The following CCDC85A variants were observed in gnomAD, a reference collection of about 807,000 sequenced individuals.
The protein encoded by CCDC85A is coiled-coil domain-containing protein 85A.
A neutral mutation model predicts 50.2 loss-of-function variants in CCDC85A; 38 were observed. That is an observed-to-expected ratio of 0.76 (90% CI 0.58 to 0.99). The LOEUF (loss-of-function observed/expected upper bound fraction) is 0.99. CCDC85A is among the 50% of genes least tolerant of loss of function. CCDC85A has a pLI of 0.00. For synonymous variants in CCDC85A, 366 were observed against 301.4 expected (o/e 1.21, Z -2.22); for missense variants, 820 against 742.0 (o/e 1.11, Z -1.22).
At chr2:56,278,031 C>T (rs1032943905) in intron 2 of CCDC85A, among the ~76,000 whole-genome samples, 6 of 152,126 alleles carry the variant, frequency 3.9e-5, no homozygotes, top group African/African-American at 1.4e-4. Flanking sequence ...CTGGGGAGGC[C>T]ATACCTTCAA....
Position 56,384,531 on chromosome 2 carries a change from A to G in CCDC85A, c.*176A>G. 1.8e-6 allele frequency: 1 copy of G among 564,312 alleles called. No individual in the cohort carries two copies. The highest frequency in any genetic ancestry group is 3.2e-6 in the Non-Finnish European group (1 of 315,512). 35.0% of individuals were successfully genotyped at this position (564,312 alleles called of 1,614,324 possible). A position where few individuals can be genotyped will look rare whatever the true frequency, so the allele number is the denominator to read the frequency against. ...GTACAACTTCTCCCCTCAAGCTGAT[A>G]TTCTGTGTCTCTCACCTCAATGTCC... On this transcript the variant is annotated 3_prime_UTR_variant, in exon 6 of 6. Coordinates refer to ENST00000407595, the MANE Select transcript of CCDC85A (RefSeq NM_001080433.2).
intron 2 of CCDC85A, among the ~76,000 whole-genome samples, chr2:56,232,583 C>T (rs929872679): frequency 6.6e-6 from 1 of 152,128 alleles, no homozygotes; most frequent in African/African-American, 2.4e-5. Context: ...TCTCTCCTTC[C>T]ACCCTGTGAA....
At chr2:56,201,876 C>A (rs907610056) in intron 2 of CCDC85A, among the ~76,000 whole-genome samples, 2 of 152,054 alleles carry the variant, frequency 1.3e-5, no homozygotes, top group Admixed American at 1.3e-4. Context: ...AGAGCTGTGA[C>A]GTACTCAACC....
chr2:56,370,675 A>G (rs971457447), intron 3 of CCDC85A, among the ~76,000 whole-genome samples: 6 of 152,164 alleles, frequency 3.9e-5, no homozygotes, highest in Admixed American at 3.9e-4. Flanking sequence ...TTCTCTACAT[A>G]GTAGCTAAAT....
intron 2 of CCDC85A, among the ~76,000 whole-genome samples, chr2:56,332,572 C>T (rs1205256351): frequency 2.0e-5 from 3 of 152,094 alleles, no homozygotes; most frequent in South Asian, 2.1e-4. Flanking sequence ...TGGAGGGACA[C>T]AACACTCAGG....
At chr2:56,357,703 G>T (rs1430327248) in intron 3 of CCDC85A, among the ~76,000 whole-genome samples, 3 of 138,880 alleles carry the variant, frequency 2.2e-5, no homozygotes, top group African/African-American at 8.1e-5. Flanking sequence ...TGATGAGGTT[G>T]CAGCCTGAAA....
At chr2:56,318,224 C>T (rs1434219265) in intron 2 of CCDC85A, among the ~76,000 whole-genome samples, 1 of 151,980 alleles carries the variant, frequency 6.6e-6, no homozygotes, top group African/African-American at 2.4e-5. Flanking sequence ...CTTTGCTGTC[C>T]TTCCATCGAT....
intron 2 of CCDC85A, among the ~76,000 whole-genome samples, chr2:56,341,054 T>G (rs1392191085): frequency 6.6e-6 from 1 of 152,158 alleles, no homozygotes; most frequent in East Asian, 1.9e-4. Context: ...ACACTGATTC[T>G]TCCCTTGAGA....
intron 2 of CCDC85A, among the ~76,000 whole-genome samples, chr2:56,298,460 T>G (rs1382956718): frequency 6.6e-6 from 1 of 152,214 alleles, no homozygotes. Context: ...AAGAAACATT[T>G]TAACACTTTC....
At chr2:56,290,526 G>A (rs1671655971) in intron 2 of CCDC85A, among the ~76,000 whole-genome samples, 1 of 152,114 alleles carries the variant, frequency 6.6e-6, no homozygotes, top group African/African-American at 2.4e-5. Flanking sequence ...AAACTTAGCT[G>A]TTTGTTGAAT....
intron 2 of CCDC85A, among the ~76,000 whole-genome samples, chr2:56,227,618 C>T (rs1668597733): frequency 6.6e-6 from 1 of 152,116 alleles, no homozygotes; most frequent in Non-Finnish European, 1.5e-5. Context: ...TTTTACTTTT[C>T]ACTGTTCTCT....
intron 3 of CCDC85A, among the ~76,000 whole-genome samples, chr2:56,350,744 G>C (rs1279166084): frequency 1.4e-5 from 2 of 144,690 alleles, no homozygotes; most frequent in Non-Finnish European, 3.0e-5. Flanking sequence ...GTGGTTCAGA[G>C]ACCTTTCCTT....
chr2:56,216,885 C>A (rs1032366696), intron 2 of CCDC85A, among the ~76,000 whole-genome samples: 1 of 151,630 alleles, frequency 6.6e-6, no homozygotes, highest in African/African-American at 2.4e-5. Flanking sequence ...GCTCATGGGG[C>A]CAAGGGAATG....
intron 2 of CCDC85A, among the ~76,000 whole-genome samples, chr2:56,213,916 T>C (rs1207190490): frequency 1.3e-5 from 2 of 151,780 alleles, no homozygotes; most frequent in Non-Finnish European, 2.9e-5. Flanking sequence ...TAGTGAATTG[T>C]AATTTGGGGA....
intron 2 of CCDC85A, among the ~76,000 whole-genome samples, chr2:56,202,584 C>A (rs1016244160): frequency 6.6e-6 from 1 of 152,180 alleles, no homozygotes; most frequent in African/African-American, 2.4e-5. Flanking sequence ...GATGGCAACA[C>A]CAAATGCTCT....
chr2:56,334,021 G>A (rs1169162116), intron 2 of CCDC85A, among the ~76,000 whole-genome samples: 1 of 152,136 alleles, frequency 6.6e-6, no homozygotes, highest in Non-Finnish European at 1.5e-5. Flanking sequence ...TCTTCTCCAA[G>A]ATCTTTGCAT....
At chr2:56,349,725 A>G (rs568698990) in intron 3 of CCDC85A, among the ~76,000 whole-genome samples, 3 of 152,326 alleles carry the variant, frequency 2.0e-5, no homozygotes, top group African/African-American at 7.2e-5. Flanking sequence ...ATTATTTAAT[A>G]GGTACTAAAC....
At chr2:56,228,723 C>T (rs1390734107) in intron 2 of CCDC85A, among the ~76,000 whole-genome samples, 1 of 151,956 alleles carries the variant, frequency 6.6e-6, no homozygotes, top group Non-Finnish European at 1.5e-5. Flanking sequence ...TTAGTAGAGA[C>T]ACGGTTTCAC....
At chr2:56,288,807 C>A (rs1026591356) in intron 2 of CCDC85A, among the ~76,000 whole-genome samples, 2 of 152,250 alleles carry the variant, frequency 1.3e-5, no homozygotes, top group Admixed American at 6.5e-5. Context: ...CACCATTTTC[C>A]TAGTCAGTGA....
Sources: allele counts gnomAD v4.1 joint callset (sites outside exome capture counted in the v4.1 genomes callset), GRCh38; gene constraint gnomAD v4.1.1; transcripts MANE v1.5; gene names NCBI Gene and HGNC (gene_info 2026-07-23, HGNC 2026-07-21).